The following SYTL3 variants were observed in gnomAD, a reference collection of about 807,000 sequenced individuals.
The protein encoded by SYTL3 is synaptotagmin-like protein 3.
A neutral mutation model predicts 82.1 loss-of-function variants in SYTL3; 88 were observed. That is an observed-to-expected ratio of 1.07 (90% CI 0.90 to 1.28). SYTL3 has a LOEUF of 1.28. Among genes scored for constraint, SYTL3 ranks in the 50% most tolerant of loss-of-function variants. SYTL3 has a pLI of 0.00. For synonymous variants in SYTL3, 311 were observed against 289.4 expected (o/e 1.07, Z -0.76); for missense variants, 831 against 757.6 (o/e 1.10, Z -1.14).
At chr6:158,686,836 C>T (rs1779350697) in intron 6 of SYTL3, among the ~76,000 whole-genome samples, 1 of 152,190 alleles carries the variant, frequency 6.6e-6, no homozygotes, top group Admixed American at 6.5e-5. Flanking sequence ...GCTGGCCAGA[C>T]ACAGGTCGGA....
intron 6 of SYTL3, among the ~76,000 whole-genome samples, chr6:158,703,026 C>T (rs948690881): frequency 4.6e-5 from 7 of 151,802 alleles, no homozygotes; most frequent in East Asian, 1.9e-4. Context: ...TGGTGGCGGG[C>T]GCCTGTAGTT....
chr6:158,677,028 C>A (rs539144272), intron 5 of SYTL3, among the ~76,000 whole-genome samples: 8 of 152,294 alleles, frequency 5.3e-5, no homozygotes, highest in Admixed American at 2.0e-4. Flanking sequence ...ACTAGAAATA[C>A]CATTTGACCC....
intron 5 of SYTL3, among the ~76,000 whole-genome samples, chr6:158,665,909 A>C (rs1232579096): frequency 6.6e-6 from 1 of 152,100 alleles, no homozygotes; most frequent in Admixed American, 6.5e-5. Flanking sequence ...CAGGAGTTTG[A>C]GTCCAGCCTG....
intron 16 of SYTL3, 35 bp from the exon 17 acceptor site, chr6:158,763,269 T>C (rs950880342): frequency 6.2e-7 from 1 of 1,604,390 alleles, no homozygotes; most frequent in South Asian, 1.1e-5. Flanking sequence ...GCCGTGTGGA[T>C]GGCAATGATT....
At chr6:158,756,627 G>A (rs193264268) in intron 13 of SYTL3, among the ~76,000 whole-genome samples, 1 of 148,734 alleles carries the variant, frequency 6.7e-6, no homozygotes, top group African/African-American at 2.5e-5. Context: ...CAGGAGAATC[G>A]CTTGAACCCA....
chr6:158,732,499 G>A (rs1033787523), intron 11 of SYTL3, among the ~76,000 whole-genome samples: 4 of 152,194 alleles, frequency 2.6e-5, no homozygotes, highest in Non-Finnish European at 4.4e-5. Flanking sequence ...TCCTCTAATC[G>A]ACAAGACGTA....
At chr6:158,700,031 A>G (rs1288881223) in intron 6 of SYTL3, among the ~76,000 whole-genome samples, 1 of 151,882 alleles carries the variant, frequency 6.6e-6, no homozygotes, top group East Asian at 2.0e-4. Context: ...CGAGGTGGGC[A>G]GATAACCTGA....
chr6:158,654,087 C>G (rs1788382216), intron 2 of SYTL3, among the ~76,000 whole-genome samples: 1 of 152,208 alleles, frequency 6.6e-6, no homozygotes, highest in Non-Finnish European at 1.5e-5. Context: ...GTTTCAAACT[C>G]CTAGTGCATG....
chr6:158,737,076 C>T (rs1056423021), intron 11 of SYTL3, among the ~76,000 whole-genome samples: 3 of 150,304 alleles, frequency 2.0e-5, no homozygotes, highest in African/African-American at 7.3e-5. Flanking sequence ...AAATGATTTG[C>T]TTAGCTTACA....
intron 6 of SYTL3, 47 bp downstream of exon 6, chr6:158,683,036 G>C (rs769639657): frequency 9.4e-6 from 13 of 1,379,296 alleles, no homozygotes; most frequent in African/African-American, 1.4e-5. Context: ...TCTATTCCTA[G>C]TTTTAAAATA....
chr6:158,680,964 G>A (rs547086780), intron 5 of SYTL3, among the ~76,000 whole-genome samples: 1 of 152,126 alleles, frequency 6.6e-6, no homozygotes, highest in African/African-American at 2.4e-5. Context: ...ATATATTTGT[G>A]ATTTTACTTA....
intron 5 of SYTL3, among the ~76,000 whole-genome samples, chr6:158,678,474 G>A (rs1778306935): frequency 6.6e-6 from 1 of 152,186 alleles, no homozygotes; most frequent in African/African-American, 2.4e-5. Context: ...CGTGTGTTTG[G>A]CTCACTGCTT....
Position 158,740,165 on chromosome 6 carries a change from T to A in SYTL3, c.856-5315T>A, listed in dbSNP as rs147065312. Among the ~76,000 whole-genome samples, 177 of 151,938 alleles carry A rather than the reference T, an allele frequency of 1.2e-3. 1 individual carries two copies. The highest frequency in any genetic ancestry group is 3.9e-3 in the African/African-American group (162 of 41,444). On this transcript the variant is annotated intron_variant, in intron 11 of 17. Transcript: ENST00000611299. Reference sequence around the variant, plus strand: ...GTGTGCACCATCACACCAGGCTAATTTTTGTATTTTTAGTAGATTCAGGTT... The same window carrying A: ...GTGTGCACCATCACACCAGGCTAATATTTGTATTTTTAGTAGATTCAGGTT...
intron 11 of SYTL3, among the ~76,000 whole-genome samples, chr6:158,740,340 T>A (rs1470252379): frequency 1.3e-5 from 2 of 152,166 alleles, no homozygotes; most frequent in Non-Finnish European, 2.9e-5. Flanking sequence ...ATTCTAGTCC[T>A]CTGGAGAAAT....
chr6:158,702,646 T>C (rs1781451595), intron 6 of SYTL3, among the ~76,000 whole-genome samples: 2 of 152,122 alleles, frequency 1.3e-5, no homozygotes, highest in African/African-American at 4.8e-5. Context: ...AATGTTCGAA[T>C]AGAAGCAGAG....
At chr6:158,707,139 G>A (rs1467529538) in intron 6 of SYTL3, 91 bp from the exon 7 acceptor site, 1 of 1,299,654 alleles carries the variant, frequency 7.7e-7, no homozygotes, top group African/African-American at 1.5e-5. Flanking sequence ...AATGATACTA[G>A]AGAAAATAAT....
intron 12 of SYTL3, among the ~76,000 whole-genome samples, chr6:158,748,734 A>G (rs553849873): frequency 8.3e-4 from 126 of 152,094 alleles, no homozygotes; most frequent in Middle Eastern, 3.4e-3. Context: ...AATCCCAGCT[A>G]CTAGGGAGGC....
At position 158,665,504 on chromosome 6, in the gene SYTL3, CTGCACCGGGGCGCCG is replaced by C. The variant is rs1789937255; in HGVS notation, c.223_237del (p.His75_Val79del). 1 of 1,599,740 alleles carries C rather than the reference CTGCACCGGGGCGCCG, an allele frequency of 6.3e-7. No individual in the cohort carries two copies. The highest frequency in any genetic ancestry group is 2.3e-5 in the East Asian group (1 of 44,332). ...CTGCCAGCAGGTGCTGGGGTTCCTG[CTGCACCGGGGCGCCG>C]TGTGCCGGGGCTGCAGCCACCGCGT... On this transcript the variant is annotated inframe_deletion, in exon 5 of 18. Coordinates refer to ENST00000611299, the MANE Select transcript of SYTL3 (RefSeq NM_001242394.2).
intron 2 of SYTL3, among the ~76,000 whole-genome samples, chr6:158,658,406 A>C (rs1173993430): frequency 6.6e-6 from 1 of 152,234 alleles, no homozygotes; most frequent in African/African-American, 2.4e-5. Flanking sequence ...CTCATTGAAA[A>C]GCTGGAGCGA....
Sources: allele counts gnomAD v4.1 joint callset (sites outside exome capture counted in the v4.1 genomes callset), GRCh38; gene constraint gnomAD v4.1.1; transcripts MANE v1.5; gene names NCBI Gene and HGNC (gene_info 2026-07-23, HGNC 2026-07-21).